The following ANKS1B variants were observed in gnomAD, a reference collection of about 807,000 sequenced individuals.
The protein encoded by ANKS1B is ankyrin repeat and sterile alpha motif domain-containing protein 1B.
In ANKS1B, 36 loss-of-function variants were observed where a neutral mutation model predicts 148.3. The observed-to-expected ratio is 0.24, with a 90% CI of 0.19 to 0.32. The LOEUF (loss-of-function observed/expected upper bound fraction) is 0.32. Among genes scored for constraint, ANKS1B ranks in the 10% least tolerant of loss-of-function variants. ANKS1B has a pLI of 1.00. For missense variants in ANKS1B, 1,157 were observed against 1,542.6 expected (o/e 0.75, Z 4.19); for synonymous variants, 542 against 560.8 (o/e 0.97, Z 0.47).
At chr12:99,705,752 T>C (rs2153528032) in intron 8 of ANKS1B, among the ~76,000 whole-genome samples, 1 of 152,072 alleles carries the variant, frequency 6.6e-6, no homozygotes, top group East Asian at 1.9e-4. Context: ...AATTGCAAGG[T>C]TGATACCTAT....
At chr12:99,663,515 T>A (rs191117926) in intron 8 of ANKS1B, among the ~76,000 whole-genome samples, 3 of 152,160 alleles carry the variant, frequency 2.0e-5, no homozygotes, top group African/African-American at 7.2e-5. Flanking sequence ...AACATTTAAG[T>A]CTGCTGAAAA....
intron 19 of ANKS1B, among the ~76,000 whole-genome samples, chr12:98,819,131 C>T (rs2099164693): frequency 6.6e-6 from 1 of 152,138 alleles, no homozygotes; most frequent in Non-Finnish European, 1.5e-5. Flanking sequence ...TACTGAGTGG[C>T]AACTAAGTCT....
chr12:99,780,409 G>A (rs1170565707), intron 5 of ANKS1B, among the ~76,000 whole-genome samples: 1 of 151,754 alleles, frequency 6.6e-6, no homozygotes, highest in Non-Finnish European at 1.5e-5. Flanking sequence ...CTGAGTAGCT[G>A]GGACTACAGG....
chr12:99,222,800 G>T (rs1366123105), intron 14 of ANKS1B, among the ~76,000 whole-genome samples: 1 of 152,158 alleles, frequency 6.6e-6, no homozygotes, highest in African/African-American at 2.4e-5. Flanking sequence ...AGAAACTTTG[G>T]TGATATTTTT....
intron 9 of ANKS1B, among the ~76,000 whole-genome samples, chr12:99,560,036 T>A (rs188761626): frequency 6.1e-4 from 93 of 152,252 alleles, no homozygotes; most frequent in African/African-American, 2.2e-3. Context: ...TATAGAAATA[T>A]TTACTTGAAG....
intron 17 of ANKS1B, among the ~76,000 whole-genome samples, chr12:98,917,848 G>C (rs571751264): frequency 6.6e-6 from 1 of 152,244 alleles, no homozygotes; most frequent in African/African-American, 2.4e-5. Context: ...ATCACACAAG[G>C]TACTCAACCC....
chr12:99,737,168 C>T (rs1310889764), intron 8 of ANKS1B, among the ~76,000 whole-genome samples: 4 of 152,124 alleles, frequency 2.6e-5, no homozygotes, highest in Non-Finnish European at 5.9e-5. Flanking sequence ...TGAGATTCAG[C>T]AATCACACTG....
intron 1 of ANKS1B, among the ~76,000 whole-genome samples, chr12:99,922,595 A>G (rs1264547281): frequency 6.6e-6 from 1 of 152,156 alleles, no homozygotes; most frequent in African/African-American, 2.4e-5. Flanking sequence ...CATACAAAGA[A>G]GACAAGGACT....
chr12:99,322,886 A>G (rs908371290), intron 12 of ANKS1B, among the ~76,000 whole-genome samples: 2 of 152,182 alleles, frequency 1.3e-5, no homozygotes, highest in Admixed American at 1.3e-4. Flanking sequence ...ATGGTTTTAT[A>G]AGGGGTTTCC....
intron 17 of ANKS1B, among the ~76,000 whole-genome samples, chr12:98,837,515 T>C (rs1418817782): frequency 6.6e-6 from 1 of 152,082 alleles, no homozygotes; most frequent in African/African-American, 2.4e-5. Context: ...CTCCAGGAAT[T>C]TTCTCCAGTA....
At chr12:99,851,945 A>T (rs1186100244) in intron 1 of ANKS1B, among the ~76,000 whole-genome samples, 2 of 152,230 alleles carry the variant, frequency 1.3e-5, no homozygotes, top group Non-Finnish European at 2.9e-5. Flanking sequence ...TCATTTATGC[A>T]TACAATAAAT....
chr12:99,817,927 T>C (rs1307470619), intron 2 of ANKS1B, among the ~76,000 whole-genome samples: 1 of 151,866 alleles, frequency 6.6e-6, no homozygotes, highest in Admixed American at 6.6e-5. Flanking sequence ...ATAGATAGTC[T>C]GCAAATATTT....
intron 9 of ANKS1B, among the ~76,000 whole-genome samples, chr12:99,563,192 G>A (rs1449123864): frequency 6.6e-6 from 1 of 152,142 alleles, no homozygotes; most frequent in African/African-American, 2.4e-5. Context: ...TATCTTTTGT[G>A]TGTTCACTGT....
In ANKS1B at chr12:99,774,862, A is replaced by T. The variant is rs190646756; in HGVS notation, c.961+686T>A. Among the ~76,000 whole-genome samples the T allele has an allele frequency of 4.2e-3, 642 of 152,266 alleles. 3 individuals carry two copies. The highest frequency in any genetic ancestry group is 0.014 in the African/African-American group (568 of 41,576). On this transcript the variant is annotated intron_variant, in intron 7 of 26. Coordinates refer to ENST00000683438, the MANE Select transcript of ANKS1B (RefSeq NM_001352186.2). ...CCTGCCATTTGTAACAACATGGATG[A>T]ACCTAGAGGATATTATCCTAAGTGA... is the stretch of plus-strand genomic sequence containing the variant.
intron 12 of ANKS1B, among the ~76,000 whole-genome samples, chr12:99,305,883 G>C (rs967728495): frequency 2.0e-5 from 3 of 152,100 alleles, no homozygotes; most frequent in Non-Finnish European, 4.4e-5. Flanking sequence ...CTAAAGCAGT[G>C]AACTCCTTTA....
intron 12 of ANKS1B, among the ~76,000 whole-genome samples, chr12:99,278,174 T>C (rs1003778008): frequency 6.6e-6 from 1 of 152,190 alleles, no homozygotes; most frequent in Non-Finnish European, 1.5e-5. Flanking sequence ...AGTGGGACCA[T>C]GTGACAGAGA....
chr12:99,327,293 T>C (rs575887473), intron 12 of ANKS1B, among the ~76,000 whole-genome samples: 1 of 107,008 alleles, frequency 9.3e-6, no homozygotes, highest in Non-Finnish European at 1.7e-5. Flanking sequence ...TTATAACATA[T>C]AAAATATGTA....
intron 15 of ANKS1B, among the ~76,000 whole-genome samples, chr12:99,125,782 C>T (rs544406271): frequency 9.9e-5 from 15 of 151,746 alleles, no homozygotes; most frequent in African/African-American, 2.2e-4. Flanking sequence ...TAACAGGTAG[C>T]GTGGGTGGAT....
intron 17 of ANKS1B, among the ~76,000 whole-genome samples, chr12:98,936,759 C>T (rs2099819162): frequency 6.6e-6 from 1 of 152,036 alleles, no homozygotes; most frequent in African/African-American, 2.4e-5. Context: ...TCAATTTAAT[C>T]CCAGTAATGT....
Sources: allele counts gnomAD v4.1 joint callset (sites outside exome capture counted in the v4.1 genomes callset), GRCh38; gene constraint gnomAD v4.1.1; transcripts MANE v1.5; gene names NCBI Gene and HGNC (gene_info 2026-07-23, HGNC 2026-07-21).